Variants in CCDC110 observed in about 807,000 individuals in gnomAD.
CCDC110 encodes the protein coiled-coil domain-containing protein 110.
A neutral mutation model predicts 77.1 loss-of-function variants in CCDC110; 70 were observed. That is an observed-to-expected ratio of 0.91 (90% CI 0.75 to 1.11). CCDC110 has a LOEUF of 1.11. Ranked by LOEUF, CCDC110 falls within the 50% of genes least tolerant of loss-of-function variation. CCDC110 has a pLI of 0.00. For synonymous variants in CCDC110, 295 were observed against 312.5 expected (o/e 0.94, Z 0.59); for missense variants, 868 against 942.9 (o/e 0.92, Z 1.04).
At chr4:185,455,775 C>T (rs1233524801) in intron 6 of CCDC110, among the ~76,000 whole-genome samples, 4 of 151,800 alleles carry the variant, frequency 2.6e-5, no homozygotes, top group Admixed American at 1.3e-4. Context: ...CTCAGCTACT[C>T]GGGAGGCTGA....
Position 185,468,967 on chromosome 4 carries a change from A to C in CCDC110, c.115+1978T>G, listed in dbSNP as rs904582786. Among the ~76,000 whole-genome samples, 1 of 152,242 alleles carries C rather than the reference A, an allele frequency of 6.6e-6. No individual in the cohort carries two copies. The highest frequency in any genetic ancestry group is 1.5e-5 in the Non-Finnish European group (1 of 68,036). On this transcript the variant is annotated intron_variant, in intron 2 of 6. Coordinates refer to ENST00000307588, the MANE Select transcript of CCDC110 (RefSeq NM_152775.4). This position sits in a 1 kb window ranked among gnomAD's most constrained non-coding sequence, Gnocchi z 4.5. ...GCAGGTGCTCAAAAGAATATGCTCC[A>C]CAAACGAATGAATGAATGAAAGCTC... is the stretch of plus-strand genomic sequence containing the variant.
Position 185,459,603 on chromosome 4 carries a change from A to G in CCDC110, c.984T>C (p.Thr328=), listed in dbSNP as rs1311124838. Reference sequence around the variant, plus strand: ...AAAAATGCACATGGAATTTTGACACAGTTTCCCTGAAGGGGAGTAATTTCT... The same window carrying G: ...AAAAATGCACATGGAATTTTGACACGGTTTCCCTGAAGGGGAGTAATTTCT... ...LVKKLLPFRE[T]VSKFHVHFCR... is the part of the protein sequence containing the mutation. Residue 328 remains threonine (T), a synonymous_variant, in exon 6 of 7, where the codon ACT becomes ACC. Transcript: ENST00000307588. The G allele has an allele frequency of 1.9e-6, 3 of 1,613,220 alleles. No homozygotes were observed. The highest frequency in any genetic ancestry group is 2.2e-5 in the East Asian group (1 of 44,822).
At chr4:185,445,959 A>G (rs2095609606) in intron 6 of CCDC110, among the ~76,000 whole-genome samples, 1 of 152,116 alleles carries the variant, frequency 6.6e-6, no homozygotes, top group Non-Finnish European at 1.5e-5. Context: ...CTCCTGCCTC[A>G]GCCTCCCGAG....
intron 2 of CCDC110, among the ~76,000 whole-genome samples, chr4:185,466,632 T>C (rs772704140): frequency 5.0e-4 from 76 of 151,964 alleles, no homozygotes; most frequent in Non-Finnish European, 9.4e-4. Flanking sequence ...TGCAGTGGCA[T>C]GATCTTGGCT....
At chr4:185,470,504 G>T (rs936844955) in intron 2 of CCDC110, 9 of 345,856 alleles carry the variant, frequency 2.6e-5, no homozygotes, top group African/African-American at 1.9e-4. Flanking sequence ...TGAATCCAAG[G>T]ATGCGGAACT....
At chr4:185,449,802 G>C (rs6552881) in intron 6 of CCDC110, 486,393 of 487,244 alleles carry the variant, frequency 1, 242,782 homozygotes, top group East Asian at 1. Context: ...AATACTACTA[G>C]TTAATAAATA....
Position 185,459,666 on chromosome 4 carries a change from T to C in CCDC110, c.921A>G (p.Ile307Met). 6.2e-7 allele frequency: 1 copy of C among 1,611,728 alleles called. No homozygotes were observed. ...ENLDGNLNED[I>M]KSKRISELEA... is the part of the protein sequence containing the mutation. ...CTAATTCTGAAATTCTCTTTGATTT[T>C]ATATCTTCATTTAAGTTACCGTCCA... Residue 307 changes from isoleucine to methionine, a missense_variant, in exon 6 of 7, where the codon ATA becomes ATG. Transcript: ENST00000307588.
At chr4:185,467,746 C>G (rs920638361) in intron 2 of CCDC110, among the ~76,000 whole-genome samples, 1 of 152,158 alleles carries the variant, frequency 6.6e-6, no homozygotes, top group Non-Finnish European at 1.5e-5. Flanking sequence ...AGCAAACAGA[C>G]CAAGAGGAAC....
In CCDC110 at chr4:185,459,093, TTC is replaced by T. The variant is rs1285724669; in HGVS notation, c.1492_1493del (p.Glu498ArgfsTer8). 17 of 1,585,150 alleles carry T rather than the reference TTC, an allele frequency of 1.1e-5. No individual in the cohort carries two copies. In the African/African-American group the frequency reaches 1.9e-4, roughly 18 times the overall value. ...CTTTAAGACACTCTTTGCTGTATTC[TTC>T]TGTTTTACTTAACTTAGACTGAATA... ...STIQSKLSKTEEYSKECLKEF... is the reference protein window; with the variant it reads ...STIQSKLSKTXEYSKECLKEF... On this transcript the variant is annotated frameshift_variant, in exon 6 of 7. Coordinates refer to ENST00000307588, the MANE Select transcript of CCDC110 (RefSeq NM_152775.4). LOFTEE classifies it high-confidence loss of function.
chr4:185,457,458 A>T, intron 6 of CCDC110: 1 of 355,828 alleles, frequency 2.8e-6, no homozygotes, highest in East Asian at 7.1e-5. Context: ...TTGGACAACC[A>T]ATGCAAACAT....
chr4:185,453,461 C>G (rs73873454), intron 6 of CCDC110, among the ~76,000 whole-genome samples: 2,802 of 151,922 alleles, frequency 0.018, 68 homozygotes, highest in African/African-American at 0.059. Context: ...TAATCTACAT[C>G]TAACAATGAA....
In CCDC110 at chr4:185,459,182, G is replaced by A. The variant is rs1236206062; in HGVS notation, c.1405C>T (p.Leu469Phe). The A allele has an allele frequency of 1.2e-6, 2 of 1,601,194 alleles. No individual in the cohort carries two copies. The highest frequency in any genetic ancestry group is 1.7e-6 in the Non-Finnish European group (2 of 1,175,450). ...TCATATGTTTCAACTTTCTGTATGA[G>A]AGATTGTGTGGTAAAGATAAGAGGT... ...MKPLIFTTQS[L>F]IQKVETYEKQ... is the part of the protein sequence containing the mutation. The change falls in exon 6 of 7, where the codon CTC (leucine) becomes TTC (phenylalanine). Residue 469 changes from leucine (L) to phenylalanine (F), a missense_variant. By Grantham distance (22) the Leu-to-Phe change is conservative. Transcript: ENST00000307588.
intron 2 of CCDC110, chr4:185,470,468 C>T (rs2153325892): frequency 2.9e-6 from 1 of 342,632 alleles, no homozygotes; most frequent in South Asian, 2.3e-5. Context: ...ATTTTCCCCC[C>T]TGAATATTTT....
Position 185,468,694 on chromosome 4 carries a change from C to A in CCDC110, c.115+2251G>T, listed in dbSNP as rs1035032006. Among the ~76,000 whole-genome samples the A allele has an allele frequency of 1.3e-5, 2 of 152,206 alleles. No homozygotes were observed. The highest frequency in any genetic ancestry group is 4.8e-5 in the African/African-American group (2 of 41,450). On this transcript the variant is annotated intron_variant, in intron 2 of 6. Coordinates refer to ENST00000307588, the MANE Select transcript of CCDC110 (RefSeq NM_152775.4). This position sits in a 1 kb window ranked among gnomAD's most constrained non-coding sequence, Gnocchi z 4.5. Reference sequence around the variant, plus strand: ...CCTTCTGGTCTTGGCTCAGACGTGACCTGCTGAGTGAGCCCTTCTCCTACC... The same window carrying A: ...CCTTCTGGTCTTGGCTCAGACGTGAACTGCTGAGTGAGCCCTTCTCCTACC...
rs1469841289 is a variant in CCDC110, at chr4:185,468,256, G to A, written c.115+2689C>T. 6.6e-6 allele frequency among the ~76,000 whole-genome samples: 1 copy of A among 152,210 alleles called. No homozygotes were observed. Among genetic ancestry groups the A allele is most frequent in the Non-Finnish European group, 1.5e-5 (1 of 68,032 alleles). On this transcript the variant is annotated intron_variant, in intron 2 of 6. Coordinates refer to ENST00000307588, the MANE Select transcript of CCDC110 (RefSeq NM_152775.4). The surrounding 1 kb of genome is among the most constrained non-coding windows in gnomAD (Gnocchi z 4.5). ...TAGCTTTGCCACACACTCGCAGTGA[G>A]GGGATAACTCTAGGCGAGTGTCCAG...
At chr4:185,462,261 T>C (rs4314326) in intron 4 of CCDC110, among the ~76,000 whole-genome samples, 57,382 of 152,044 alleles carry the variant, frequency 0.38, 11,990 homozygotes, top group Non-Finnish European at 0.49. Context: ...GACCTGATCA[T>C]GTGGACTCAG....
chr4:185,471,451 G>GGGC (rs1030288123), intron 1 of CCDC110: 3 of 492,504 alleles, frequency 6.1e-6, no homozygotes, highest in African/African-American at 2.1e-5. Context: ...CGCGCTGGGC[G>GGGC]GGCGGCGGCG....
chr4:185,471,088 G>C (rs368582111), intron 1 of CCDC110, 39 bp from the exon 2 acceptor site: 15 of 1,243,752 alleles, frequency 1.2e-5, no homozygotes, highest in Admixed American at 4.2e-5. Flanking sequence ...GTCGCGGGTC[G>C]TGGCGTGGCG....
intron 2 of CCDC110, among the ~76,000 whole-genome samples, chr4:185,466,009 CA>C (rs2095655018): frequency 6.6e-6 from 1 of 152,122 alleles, no homozygotes; most frequent in African/African-American, 2.4e-5. Context: ...TGTTAAACAT[CA>C]AAGAAGAGAT....
Sources: gnomAD v4.1 joint callset for allele counts (sites outside exome capture counted in the v4.1 genomes callset) on GRCh38, gnomAD v4.1.1 for gene constraint, Gnocchi (gnomAD v3.1) non-coding constraint, MANE v1.5 for transcripts, NCBI Gene and HGNC (gene_info 2026-07-23, HGNC 2026-07-21) for gene names.